SAA1: variants seen among roughly 807,000 people sequenced by gnomAD.
SAA1 encodes serum amyloid A-1 protein.
SAA1 carries 4 observed loss-of-function variants against 9.8 expected under a neutral mutation model. The ratio of observed to expected loss-of-function variants is 0.41; its 90% confidence interval spans 0.20 to 0.93. The LOEUF (loss-of-function observed/expected upper bound fraction) is 0.93, where lower values mean the gene tolerates loss of function less well. Among genes scored for constraint, SAA1 ranks in the 40% least tolerant of loss-of-function variants. The pLI is 0.33. For synonymous variants in SAA1, 47 were observed against 57.7 expected (o/e 0.82, Z 0.84); for missense variants, 114 against 155.5 (o/e 0.73, Z 1.42).
intron 2 of SAA1, among the ~76,000 whole-genome samples, chr11:18,268,831 TAAAAAAAA>T (rs371021832): frequency 8.1e-5 from 9 of 110,592 alleles, no homozygotes; most frequent in Non-Finnish European, 1.1e-4. Flanking sequence ...AGACTCTGTC[TAAAAAAAA>T]AAAAAAAAAA....
At chr11:18,267,481 A>G (rs1294718310) in intron 2 of SAA1, among the ~76,000 whole-genome samples, 1 of 112,896 alleles carries the variant, frequency 8.9e-6, no homozygotes, top group East Asian at 2.2e-4. Flanking sequence ...GATGCAAAAT[A>G]AGGCCTGCAA....
In SAA1 at chr11:18,267,385, T is replaced by G. The variant is rs112753758; in HGVS notation, c.91+407T>G. Among the ~76,000 whole-genome samples the G allele has an allele frequency of 1.1e-3, 80 of 70,148 alleles. 1 individual carries two copies. Among genetic ancestry groups the G allele is most frequent in the African/African-American group, 4.5e-3 (76 of 16,886 alleles). The allele number at this position is 70,148 out of a possible 152,430, so 46.0% of individuals were successfully genotyped here. Reference sequence around the variant, plus strand: ...GTGCCTGGGGAGCTGCTAAACAGATTAGAGAGTCGAGGATTGTTGTCAGTT... The same window carrying G: ...GTGCCTGGGGAGCTGCTAAACAGATGAGAGAGTCGAGGATTGTTGTCAGTT... On this transcript the variant is annotated intron_variant, in intron 2 of 3. Transcript: ENST00000356524.
intron 2 of SAA1, among the ~76,000 whole-genome samples, chr11:18,268,624 G>A (rs962291741): frequency 6.6e-6 from 1 of 152,038 alleles, no homozygotes; most frequent in Admixed American, 6.6e-5. Flanking sequence ...ACGAGGTCAG[G>A]AGTTCGAGAC....
intron 2 of SAA1, among the ~76,000 whole-genome samples, chr11:18,268,661 C>T (rs1354919098): frequency 1.3e-5 from 2 of 151,924 alleles, no homozygotes; most frequent in Non-Finnish European, 2.9e-5. Flanking sequence ...GTGAAATCCC[C>T]GTCTCTACTA....
Position 18,269,348 on chromosome 11 carries a change from T to C in SAA1, c.230+15T>C, listed in dbSNP as rs1263925773. ...GAAGTGATCACGTAACTGGAGCTCC[T>C]GGGACGTTAGGGCTGGGTGAGCAGA... On this transcript the variant is annotated intron_variant, in intron 3 of 3. Coordinates refer to ENST00000356524, the MANE Select transcript of SAA1 (RefSeq NM_199161.5). The C allele has an allele frequency of 1.4e-6, 2 of 1,459,468 alleles. No individual in the cohort carries two copies. Among genetic ancestry groups the C allele is most frequent in the Admixed American group, 2.7e-5 (1 of 36,396 alleles). 90.4% of individuals were successfully genotyped at this position (1,459,468 alleles called of 1,614,324 possible).
At chr11:18,268,543 A>G (rs1451753277) in intron 2 of SAA1, among the ~76,000 whole-genome samples, 2 of 151,978 alleles carry the variant, frequency 1.3e-5, no homozygotes, top group African/African-American at 2.4e-5. Flanking sequence ...GCAAGAATAT[A>G]TACTTTAGGT....
chr11:18,269,693 CCTT>C lies in SAA1; in HGVS notation c.231-20_231-18del, dbSNP rs751937285. 8.1e-6 allele frequency: 13 copies of C among 1,613,466 alleles called. No individual in the cohort carries two copies. In the Admixed American group the frequency reaches 2.0e-4, roughly 25 times the overall value. On this transcript the variant is annotated intron_variant, in intron 3 of 3. Transcript: ENST00000356524. ...TGCTCACTGGCCTGATTATTAATCTCCTTCTTGCCTGCCTTGATTACAGCGATG... is the reference window on the plus strand; with the variant it reads ...TGCTCACTGGCCTGATTATTAATCTCCTTGCCTGCCTTGATTACAGCGATG...
chr11:18,269,830 C>T lies in SAA1; in HGVS notation c.344C>T (p.Pro115Leu), dbSNP rs756520340. ...RSGKDPNHFR[P>L]AGLPEKY ...GGCAAAGACCCCAATCACTTCCGAC[C>T]TGCTGGCCTGCCTGAGAAATACTGA... Residue 115 changes from proline (P) to leucine (L), a missense_variant, in exon 4 of 4, where the codon CCT (proline) becomes CTT (leucine). Physicochemically the swap from Pro to Leu is moderately conservative, Grantham distance 98. This residue lies in a region of SAA1 where 68 missense variants were observed against 54.7 expected (regional missense o/e 1.24). Coordinates refer to ENST00000356524, the MANE Select transcript of SAA1 (RefSeq NM_199161.5). 4.3e-6 allele frequency: 7 copies of T among 1,614,212 alleles called. No individual in the cohort carries two copies. In the South Asian group the frequency reaches 7.7e-5, roughly 18 times the overall value.
intron 2 of SAA1, among the ~76,000 whole-genome samples, chr11:18,268,362 A>G (rs373252232): frequency 9.3e-5 from 14 of 151,072 alleles, no homozygotes; most frequent in African/African-American, 3.2e-4. Context: ...ACAGAGCGAG[A>G]CTCCATCTAA....
chr11:18,269,757 G>C lies in SAA1; in HGVS notation c.271G>C (p.Ala91Pro), dbSNP rs1199260994. The C allele has an allele frequency of 1.2e-6, 2 of 1,614,050 alleles. No individual in the cohort carries two copies. Among genetic ancestry groups the C allele is most frequent in the Non-Finnish European group, 1.7e-6 (2 of 1,179,904 alleles). The stretch of plus-strand genomic sequence containing the variant: ...TATCCAGAGATTCTTTGGCCATGGT[G>C]CGGAGGACTCGCTGGCTGATCAGGC... ...ENIQRFFGHG[A>P]EDSLADQAAN... The change falls in exon 4 of 4, where the codon GCG becomes CCG. Residue 91 changes from alanine to proline, a missense_variant. Physicochemically the swap from Ala to Pro is conservative, Grantham distance 27. This residue lies in a region of SAA1 where 68 missense variants were observed against 54.7 expected (regional missense o/e 1.24). Coordinates refer to ENST00000356524, the MANE Select transcript of SAA1 (RefSeq NM_199161.5).
chr11:18,269,668 T>A (rs749869239), intron 3 of SAA1, 49 bp from the exon 4 acceptor site: 1 of 1,607,346 alleles, frequency 6.2e-7, no homozygotes, highest in Non-Finnish European at 8.5e-7. Context: ...GGTGGGCTAT[T>A]GCTCACTGGC....
chr11:18,267,994 A>C (rs61884284), intron 2 of SAA1, among the ~76,000 whole-genome samples: 12,635 of 147,976 alleles, frequency 0.085, 802 homozygotes, highest in East Asian at 0.38. Context: ...ATCACCTGAA[A>C]TACCCATGCC....
chr11:18,268,106 C>T (rs562858807), intron 2 of SAA1, among the ~76,000 whole-genome samples: 10 of 151,896 alleles, frequency 6.6e-5, no homozygotes, highest in African/African-American at 2.4e-4. Context: ...AGCCAAGGCT[C>T]ACGCCTGTAA....
intron 2 of SAA1, 138 bp from the exon 3 acceptor site, chr11:18,269,057 T>C (rs375289582): frequency 9.9e-7 from 1 of 1,005,946 alleles, no homozygotes; most frequent in African/African-American, 1.6e-5. Flanking sequence ...TCTCAACCCA[T>C]GGTATCCAAG....
At position 18,269,286 on chromosome 11, in the gene SAA1, T is replaced by C. The variant is rs748710663; in HGVS notation, c.183T>C (p.Asp61=). 1.8e-5 allele frequency: 28 copies of C among 1,585,802 alleles called. No homozygotes were observed. Among genetic ancestry groups the C allele is most frequent in the South Asian group, 2.3e-5 (2 of 88,060 alleles). Residue 61 remains aspartate (D), a synonymous_variant, in exon 3 of 4, where the codon GAT becomes GAC. Coordinates refer to ENST00000356524, the MANE Select transcript of SAA1 (RefSeq NM_199161.5). ...DKYFHARGNY[D]AAKRGPGGAW... ...ACTTCCATGCTCGGGGGAACTATGA[T>C]GCTGCCAAAAGGGGACCTGGGGGTG...
At chr11:18,269,476 T>C in intron 3 of SAA1, 143 bp downstream of exon 3, 1 of 1,472,708 alleles carries the variant, frequency 6.8e-7, no homozygotes, top group Non-Finnish European at 9.0e-7. Context: ...CTGTGCTCAG[T>C]GTGAGGTCTG....
chr11:18,269,353 C>T lies in SAA1; in HGVS notation c.230+20C>T, dbSNP rs558218869. The T allele has an allele frequency of 1.2e-5, 17 of 1,455,458 alleles. No individual in the cohort carries two copies. The highest frequency in any genetic ancestry group is 1.9e-4 in the Middle Eastern group (1 of 5,178). The allele number at this position is 1,455,458 out of a possible 1,614,324, so 90.2% of individuals were successfully genotyped here. On this transcript the variant is annotated intron_variant, in intron 3 of 3. Transcript: ENST00000356524. ...GATCACGTAACTGGAGCTCCTGGGA[C>T]GTTAGGGCTGGGTGAGCAGAGCTTG...
At chr11:18,269,673 A>G in intron 3 of SAA1, 44 bp from the exon 4 acceptor site, 1 of 1,610,436 alleles carries the variant, frequency 6.2e-7, no homozygotes, top group Non-Finnish European at 8.5e-7. Flanking sequence ...GCTATTGCTC[A>G]CTGGCCTGAT....
At position 18,269,749 on chromosome 11, in the gene SAA1, G is replaced by C; in HGVS notation, c.263G>C (p.Gly88Ala). The change falls in exon 4 of 4, where the codon GGC (glycine) becomes GCC (alanine). Residue 88 changes from glycine to alanine, a missense_variant. Physicochemically the swap from Gly to Ala is moderately conservative, Grantham distance 60. Around this residue, in one of 2 missense-constraint regions of SAA1, gnomAD observed 68 missense variants for 54.7 expected, o/e 1.24. Transcript: ENST00000356524. Reference protein sequence around the residue: ...DARENIQRFFGHGAEDSLADQ... With the variant: ...DARENIQRFFAHGAEDSLADQ... ...AGAGAGAATATCCAGAGATTCTTTG[G>C]CCATGGTGCGGAGGACTCGCTGGCT... 6.2e-7 allele frequency: 1 copy of C among 1,613,982 alleles called. No individual in the cohort carries two copies. Among genetic ancestry groups the C allele is most frequent in the Non-Finnish European group, 8.5e-7 (1 of 1,179,892 alleles).
Sources: gnomAD v4.1 joint callset for allele counts (sites outside exome capture counted in the v4.1 genomes callset) on GRCh38, gnomAD v4.1.1 for gene constraint, gnomAD v4.1.1 regional missense constraint, MANE v1.5 for transcripts, NCBI Gene and HGNC (gene_info 2026-07-23, HGNC 2026-07-21) for gene names.